ARMH3: variants seen among roughly 807,000 people sequenced by gnomAD.
The protein encoded by ARMH3 is armadillo-like helical domain-containing protein 3.
In ARMH3, 60 loss-of-function variants were observed where a neutral mutation model predicts 99.1. The observed-to-expected ratio is 0.61, with a 90% CI of 0.49 to 0.75. The LOEUF (loss-of-function observed/expected upper bound fraction) is 0.75. Ranked by LOEUF, ARMH3 falls within the 30% of genes least tolerant of loss-of-function variation. The pLI is 0.00. For synonymous variants in ARMH3, 285 were observed against 292.8 expected, an observed-to-expected ratio of 0.97 and a Z score of 0.27; for missense variants, 679 against 843.1, an observed-to-expected ratio of 0.81 and a Z score of 2.41.
intron 22 of ARMH3, among the ~76,000 whole-genome samples, chr10:101,944,517 T>C (rs750825525): frequency 1.9e-4 from 29 of 151,582 alleles, no homozygotes; most frequent in Non-Finnish European, 3.5e-4. Context: ...AGAGAAAATA[T>C]TAAAAGCATT....
chr10:101,860,485 G>C (rs941277370), intron 24 of ARMH3, among the ~76,000 whole-genome samples: 3 of 152,136 alleles, frequency 2.0e-5, no homozygotes, highest in African/African-American at 4.8e-5. Context: ...AGAACTTGAA[G>C]GTCCTGCCAA....
At chr10:101,934,453 G>A (rs1843863543) in intron 23 of ARMH3, among the ~76,000 whole-genome samples, 1 of 152,114 alleles carries the variant, frequency 6.6e-6, no homozygotes, top group Non-Finnish European at 1.5e-5. Flanking sequence ...CAAACCCCAG[G>A]CTTGTCACTA....
intron 2 of ARMH3, among the ~76,000 whole-genome samples, chr10:102,037,914 TTCTC>T (rs1448539644): frequency 6.6e-6 from 1 of 151,662 alleles, no homozygotes; most frequent in Non-Finnish European, 1.5e-5. Context: ...ATCTATCACT[TTCTC>T]TCAAGTCCTG....
chr10:101,942,356 G>C (rs896719528), intron 22 of ARMH3, among the ~76,000 whole-genome samples: 2 of 152,216 alleles, frequency 1.3e-5, no homozygotes, highest in Non-Finnish European at 2.9e-5. Flanking sequence ...AGTGAAAACA[G>C]TGGTAGTACT....
At chr10:102,001,530 A>C (rs2066360716) in intron 15 of ARMH3, among the ~76,000 whole-genome samples, 1 of 152,204 alleles carries the variant, frequency 6.6e-6, no homozygotes, top group African/African-American at 2.4e-5. Flanking sequence ...TTAAGTGTTC[A>C]AGAACAGAGT....
intron 19 of ARMH3, among the ~76,000 whole-genome samples, chr10:101,985,414 G>A (rs554215835): frequency 7.9e-5 from 12 of 151,090 alleles, no homozygotes; most frequent in African/African-American, 2.4e-4. Flanking sequence ...ATATGTGTGT[G>A]CATATATATA....
At chr10:102,051,718 G>C (rs1456942004) in intron 1 of ARMH3, among the ~76,000 whole-genome samples, 3 of 152,078 alleles carry the variant, frequency 2.0e-5, no homozygotes, top group African/African-American at 7.2e-5. Flanking sequence ...AGAAGCAAAT[G>C]GCAAAACCAG....
intron 24 of ARMH3, among the ~76,000 whole-genome samples, chr10:101,871,978 C>T (rs1479854073): frequency 1.3e-5 from 2 of 151,138 alleles, no homozygotes; most frequent in African/African-American, 2.4e-5. Flanking sequence ...CCAGCTTGGG[C>T]GACAGAGTAA....
intron 24 of ARMH3, among the ~76,000 whole-genome samples, chr10:101,876,831 C>T (rs1370017680): frequency 6.6e-6 from 1 of 152,164 alleles, no homozygotes; most frequent in Admixed American, 6.5e-5. Context: ...TACCTGAACA[C>T]TCTCATCTAG....
intron 23 of ARMH3, among the ~76,000 whole-genome samples, chr10:101,890,906 A>G (rs2067673582): frequency 7.2e-6 from 1 of 137,964 alleles, no homozygotes; most frequent in Non-Finnish European, 1.5e-5. Flanking sequence ...ACAGGGTCTC[A>G]CTTTGTCATC....
At chr10:102,055,155 C>CT (rs1415730542) in intron 1 of ARMH3, among the ~76,000 whole-genome samples, 1 of 151,772 alleles carries the variant, frequency 6.6e-6, no homozygotes, top group Admixed American at 6.6e-5. Flanking sequence ...AATCCCGTCT[C>CT]TATCAAAAAT....
intron 13 of ARMH3, among the ~76,000 whole-genome samples, chr10:102,007,156 T>C (rs984243350): frequency 2.0e-4 from 5 of 24,974 alleles, no homozygotes; most frequent in Admixed American, 9.7e-4. Flanking sequence ...CAAGACTCTA[T>C]CTCAAAAAAA....
chr10:101,860,636 T>G (rs1252613577), intron 24 of ARMH3, among the ~76,000 whole-genome samples: 1 of 152,160 alleles, frequency 6.6e-6, no homozygotes, highest in African/African-American at 2.4e-5. Flanking sequence ...ATATGTTGGG[T>G]CTGACTCAAC....
Position 101,939,924 on chromosome 10 carries a change from T to A in ARMH3, c.1720A>T (p.Thr574Ser). The A allele has an allele frequency of 6.2e-7, 1 of 1,613,620 alleles. No individual in the cohort carries two copies. The highest frequency in any genetic ancestry group is 8.5e-7 in the Non-Finnish European group (1 of 1,179,936). Residue 574 changes from threonine to serine, a missense_variant, in exon 23 of 26, where the codon ACC becomes TCC. Physicochemically the swap from Thr to Ser is moderately conservative, Grantham distance 58. Coordinates refer to ENST00000370033, the MANE Select transcript of ARMH3 (RefSeq NM_024541.3). Reference protein sequence around the residue: ...NLYSMVLRLSTNAGQWKEAAS... With the variant: ...NLYSMVLRLSSNAGQWKEAAS... ...GCTTCCTTCCACTGGCCTGCATTGGTAGAAAGCCTCAGGACTGCAAAGAAG... is the reference window on the plus strand; with the variant it reads ...GCTTCCTTCCACTGGCCTGCATTGGAAGAAAGCCTCAGGACTGCAAAGAAG...
intron 23 of ARMH3, among the ~76,000 whole-genome samples, chr10:101,904,440 A>G (rs888643676): frequency 6.6e-6 from 1 of 152,076 alleles, no homozygotes; most frequent in Middle Eastern, 3.2e-3. Flanking sequence ...ATCCCTTATA[A>G]TTCAGTGAAT....
chr10:101,950,737 T>C (rs1844746697), intron 22 of ARMH3, among the ~76,000 whole-genome samples: 1 of 152,210 alleles, frequency 6.6e-6, no homozygotes, highest in Non-Finnish European at 1.5e-5. Flanking sequence ...ATATAAAATG[T>C]CCAGAATAGG....
intron 24 of ARMH3, among the ~76,000 whole-genome samples, chr10:101,877,002 G>GTT (rs2067283439): frequency 6.6e-6 from 1 of 152,064 alleles, no homozygotes; most frequent in Non-Finnish European, 1.5e-5. Flanking sequence ...GAGCCCAGGA[G>GTT]TACAAGACCA....
At chr10:101,932,169 G>C (rs1843748299) in intron 23 of ARMH3, among the ~76,000 whole-genome samples, 1 of 152,116 alleles carries the variant, frequency 6.6e-6, no homozygotes, top group South Asian at 2.1e-4. Flanking sequence ...AACATCACTA[G>C]TTATTTAAAA....
chr10:101,870,105 T>A (rs995120152), intron 24 of ARMH3, among the ~76,000 whole-genome samples: 2 of 152,026 alleles, frequency 1.3e-5, no homozygotes, highest in African/African-American at 2.4e-5. Flanking sequence ...ATTAATAAAA[T>A]TGACAAACCT....
Sources: allele counts gnomAD v4.1 joint callset (sites outside exome capture counted in the v4.1 genomes callset), GRCh38; gene constraint gnomAD v4.1.1; transcripts MANE v1.5; gene names NCBI Gene and HGNC (gene_info 2026-07-23, HGNC 2026-07-21).